Variants in ZNF66 observed in about 807,000 individuals in gnomAD.
ZNF66 encodes zinc finger protein 66.
In ZNF66, 32 loss-of-function variants were observed where a neutral mutation model predicts 35.2. The observed-to-expected ratio is 0.91, with a 90% confidence interval of 0.69 to 1.22. The LOEUF (loss-of-function observed/expected upper bound fraction) is 1.22, where lower values mean the gene tolerates loss of function less well. ZNF66 is among the 50% of genes most tolerant of loss of function. The probability of loss-of-function intolerance (pLI) is 0.00; values close to 1 mark genes in which losing one functional copy is unlikely to be tolerated. For synonymous variants in ZNF66, 231 were observed against 181.3 expected (o/e 1.27, Z -2.20); for missense variants, 666 against 543.1 (o/e 1.23, Z -2.25).
intron 3 of ZNF66, among the ~76,000 whole-genome samples, chr19:20,797,010 C>T (rs1971398504): frequency 6.6e-6 from 1 of 151,976 alleles, no homozygotes; most frequent in Non-Finnish European, 1.5e-5. Context: ...GTCACCACCC[C>T]TGGCAAATTT....
intron 2 of ZNF66, among the ~76,000 whole-genome samples, chr19:20,792,948 ATCCCAGGAC>A (rs2144902958): frequency 6.6e-6 from 1 of 152,088 alleles, no homozygotes; most frequent in South Asian, 2.1e-4. Flanking sequence ...TGCACCTATA[ATCCCAGGAC>A]TCAGGAGGGT....
rs147753787 is a variant in ZNF66, at chr19:20,807,966, AAG to A, written c.*645_*646del. ...GGGAGTTCCCTTTCCTAGTCAAAGA[AAG>A]GGGTGACAGATGGCACCTGGAAAAT... On this transcript the variant is annotated 3_prime_UTR_variant, in exon 4 of 4. Transcript: ENST00000344519. 0.079 allele frequency among the ~76,000 whole-genome samples: 12,018 copies of A among 152,218 alleles called. 608 individuals are homozygous for A. The highest frequency in any genetic ancestry group is 0.11 in the Non-Finnish European group (7,407 of 67,994).
At chr19:20,799,023 TTTTTGTTGTTG>T (rs1971421579) in intron 3 of ZNF66, 1 of 151,898 alleles carries the variant, frequency 6.6e-6, no homozygotes, top group Non-Finnish European at 1.5e-5. Context: ...ATATTTTGTT[TTTTTGTTGTTG>T]TTTTCTTTCT....
intron 3 of ZNF66, among the ~76,000 whole-genome samples, chr19:20,795,944 G>T (rs1290474015): frequency 6.6e-6 from 1 of 152,162 alleles, no homozygotes; most frequent in East Asian, 1.9e-4. Context: ...ATGAGTAGGG[G>T]TCCTGCAGTT....
At position 20,807,665 on chromosome 19, in the gene ZNF66, C is replaced by G. The variant is rs1971536459; in HGVS notation, c.*343C>G. ...TGATGATCTCGGATCACTGAAACCT[C>G]TGCCTCCCGGGTTCAAGCCATTTTC... On this transcript the variant is annotated 3_prime_UTR_variant, in exon 4 of 4. Coordinates refer to ENST00000344519, the MANE Select transcript of ZNF66 (RefSeq NM_001355197.2). Among the ~76,000 whole-genome samples, 1 of 151,264 alleles carries G rather than the reference C, an allele frequency of 6.6e-6. No homozygotes were observed. The highest frequency in any genetic ancestry group is 2.4e-5 in the African/African-American group (1 of 41,106).
intron 3 of ZNF66, among the ~76,000 whole-genome samples, chr19:20,799,854 A>T (rs1971432177): frequency 6.6e-6 from 1 of 152,200 alleles, no homozygotes; most frequent in Non-Finnish European, 1.5e-5. Context: ...TTGTATTGAC[A>T]TCTTTGAAAA....
rs1260001958 is a variant in ZNF66, at chr19:20,809,509, G to C, written c.*2187G>C. 4.6e-5 allele frequency among the ~76,000 whole-genome samples: 7 copies of C among 152,160 alleles called. No homozygotes were observed. Among genetic ancestry groups the C allele is most frequent in the African/African-American group, 1.4e-4 (6 of 41,440 alleles). ...GGCAGAAACTCTATAAGCCAGAAGA[G>C]AGTGGGGGCCAATATTCAACATTCT... On this transcript the variant is annotated 3_prime_UTR_variant, in exon 4 of 4. Coordinates refer to ENST00000344519, the MANE Select transcript of ZNF66 (RefSeq NM_001355197.2).
chr19:20,786,536 A>G (rs1177405252), intron 1 of ZNF66, among the ~76,000 whole-genome samples: 1 of 152,228 alleles, frequency 6.6e-6, no homozygotes, highest in African/African-American at 2.4e-5. Flanking sequence ...CATTCAGGCC[A>G]TAAATCTGCA....
In ZNF66 at chr19:20,807,038, C is replaced by T. The variant is rs751545995; in HGVS notation, c.1438C>T (p.Pro480Ser). Reference sequence around the variant, plus strand: ...CAAGAAAATTCATACTGGAGAGAAGCCTTACAAATGTGAAGAATGTGGCAA... The same window carrying T: ...CAAGAAAATTCATACTGGAGAGAAGTCTTACAAATGTGAAGAATGTGGCAA... ...KHKKIHTGEKPYKCEECGKAF... is the reference protein window; with the variant it reads ...KHKKIHTGEKSYKCEECGKAF... Residue 480 changes from proline to serine, a missense_variant, in exon 4 of 4, where the codon CCT becomes TCT. By Grantham distance (74) the Pro-to-Ser change is moderately conservative. Transcript: ENST00000344519. 2.3e-6 allele frequency: 2 copies of T among 860,028 alleles called. No homozygotes were observed. Among genetic ancestry groups the T allele is most frequent in the Non-Finnish European group, 4.0e-6 (2 of 497,594 alleles). The allele number at this position is 860,028 out of a possible 1,614,324, so 53.3% of individuals were successfully genotyped here. A position where few individuals can be genotyped will look rare whatever the true frequency, so the allele number is the denominator to read the frequency against.
At chr19:20,798,999 A>G (rs902055055) in intron 3 of ZNF66, 3 of 150,762 alleles carry the variant, frequency 2.0e-5, no homozygotes, top group African/African-American at 7.3e-5. Context: ...TATGTCTTCC[A>G]GGTCCTGTGT....
intron 1 of ZNF66, among the ~76,000 whole-genome samples, chr19:20,786,014 A>T (rs1011335500): frequency 2.2e-5 from 2 of 89,386 alleles, no homozygotes; most frequent in Non-Finnish European, 5.2e-5. Flanking sequence ...TGCCCACCTC[A>T]GCCTCCCAGA....
At chr19:20,792,180 C>T (rs1411448104) in intron 1 of ZNF66, among the ~76,000 whole-genome samples, 1 of 149,410 alleles carries the variant, frequency 6.7e-6, no homozygotes, top group Admixed American at 6.7e-5. Flanking sequence ...TTAAAACATG[C>T]CTTTTTCATC....
chr19:20,805,306 G>T (rs1971491115), intron 3 of ZNF66, among the ~76,000 whole-genome samples: 1 of 152,072 alleles, frequency 6.6e-6, no homozygotes, highest in African/African-American at 2.4e-5. Context: ...GCAATTCTCT[G>T]CCTCAGCCTC....
rs771898662 is a variant in ZNF66, at chr19:20,805,955, A to G, written c.355A>G (p.Ser119Gly). The G allele has an allele frequency of 4.4e-5, 31 of 705,650 alleles. No homozygotes were observed. The highest frequency in any genetic ancestry group is 7.3e-5 in the Non-Finnish European group (29 of 397,026). The allele number at this position is 705,650 out of a possible 1,614,324, so 43.7% of individuals were successfully genotyped here. Residue 119 changes from serine to glycine, a missense_variant, in exon 4 of 4, where the codon AGT becomes GGT. Ser to Gly is a moderately conservative substitution (Grantham distance 56). Coordinates refer to ENST00000344519, the MANE Select transcript of ZNF66 (RefSeq NM_001355197.2). ...DNLQLKKGCE[S>G]VDKCKVHKRG... ...TTTGCAGTTAAAAAAAGGCTGTGAA[A>G]GTGTGGATAAGTGTAAAGTGCACAA...
chr19:20,787,141 C>T (rs1037159846), intron 1 of ZNF66, among the ~76,000 whole-genome samples: 1 of 152,146 alleles, frequency 6.6e-6, no homozygotes, highest in Non-Finnish European at 1.5e-5. Flanking sequence ...ATAAAAATTT[C>T]TGAAAAACAA....
chr19:20,788,928 G>A (rs1568495429), intron 1 of ZNF66, among the ~76,000 whole-genome samples: 2 of 151,828 alleles, frequency 1.3e-5, no homozygotes, highest in Non-Finnish European at 2.9e-5. Context: ...GCACACATCT[G>A]TAGTTTCAGC....
chr19:20,805,126 T>TGTGTGTGTGTGTGTGTGTGAGAGA (rs752355466), intron 3 of ZNF66, among the ~76,000 whole-genome samples: 2 of 145,984 alleles, frequency 1.4e-5, no homozygotes, highest in African/African-American at 5.1e-5. Flanking sequence ...TGTGTGTGTG[T>TGTGTGTGTGTGTGTGTGTGAGAGA]GAGAGAGAGA....
intron 3 of ZNF66, chr19:20,794,115 C>T (rs1599550761): frequency 1.8e-6 from 1 of 569,918 alleles, no homozygotes; most frequent in East Asian, 3.5e-5. Flanking sequence ...AGTGAGCTTC[C>T]TTCACATTCA....
chr19:20,807,095 CATA>C lies in ZNF66; in HGVS notation c.1497_1499del (p.His499_Lys500delinsGln). 1.3e-6 allele frequency: 1 copy of C among 794,634 alleles called. No individual in the cohort carries two copies. The highest frequency in any genetic ancestry group is 2.3e-6 in the Non-Finnish European group (1 of 441,342). 49.2% of individuals were successfully genotyped at this position (794,634 alleles called of 1,614,324 possible). On this transcript the variant is annotated inframe_deletion, in exon 4 of 4. Coordinates refer to ENST00000344519, the MANE Select transcript of ZNF66 (RefSeq NM_001355197.2). ...TAAGTGCTCCTCTATTCTTACTACACATAAGAGAATTCATACTGCAGATAAACC... is the reference window on the plus strand; with the variant it reads ...TAAGTGCTCCTCTATTCTTACTACACAGAGAATTCATACTGCAGATAAACC...
Sources: allele counts gnomAD v4.1 joint callset (sites outside exome capture counted in the v4.1 genomes callset), GRCh38; gene constraint gnomAD v4.1.1; transcripts MANE v1.5; gene names NCBI Gene and HGNC (gene_info 2026-07-23, HGNC 2026-07-21).